The following SEPTIN9 variants were observed in gnomAD, a reference collection of about 807,000 sequenced individuals.
SEPTIN9 encodes the protein septin 9, also known as septin-9.
SEPTIN9 carries 13 observed loss-of-function variants against 56.6 expected under a neutral mutation model. The observed-to-expected ratio is 0.23, with a 90% CI of 0.15 to 0.37. The LOEUF (loss-of-function observed/expected upper bound fraction) is 0.37. Ranked by LOEUF, SEPTIN9 falls within the 10% of genes least tolerant of loss-of-function variation. The probability of loss-of-function intolerance (pLI) is 1.00; values close to 1 mark genes in which losing one functional copy is unlikely to be tolerated. For synonymous variants in SEPTIN9, 332 were observed against 334.1 expected, an observed-to-expected ratio of 0.99 and a Z score of 0.07; for missense variants, 650 against 823.1, an observed-to-expected ratio of 0.79 and a Z score of 2.57.
chr17:77,316,078 C>T (rs546323545), intron 2 of SEPTIN9, among the ~76,000 whole-genome samples: 1 of 152,356 alleles, frequency 6.6e-6, no homozygotes, highest in South Asian at 2.1e-4. Flanking sequence ...TAGGATTACT[C>T]AGTGCGTTTA....
At chr17:77,462,497 T>C (rs918521531) in intron 3 of SEPTIN9, among the ~76,000 whole-genome samples, 5 of 152,198 alleles carry the variant, frequency 3.3e-5, no homozygotes, top group African/African-American at 1.2e-4. Flanking sequence ...TTGCCCGGGC[T>C]GGTCTCAAAC....
chr17:77,370,570 C>A lies in SEPTIN9; in HGVS notation c.77-31489C>A, dbSNP rs148212743. Reference sequence around the variant, plus strand: ...TGTAGGTCTCGTTGTGCACTGAAGACGCAGGCGGTCCCTTTGGCCAGGCCT... The same window carrying A: ...TGTAGGTCTCGTTGTGCACTGAAGAAGCAGGCGGTCCCTTTGGCCAGGCCT... On this transcript the variant is annotated intron_variant, in intron 2 of 11. Coordinates refer to ENST00000427177, the MANE Select transcript of SEPTIN9 (RefSeq NM_001113491.2). Among the ~76,000 whole-genome samples the A allele has an allele frequency of 5.1e-3, 784 of 152,302 alleles. 8 individuals carry two copies. Among genetic ancestry groups the A allele is most frequent in the African/African-American group, 0.017 (696 of 41,562 alleles).
At chr17:77,366,712 C>T (rs901989551) in intron 2 of SEPTIN9, among the ~76,000 whole-genome samples, 2 of 152,188 alleles carry the variant, frequency 1.3e-5, no homozygotes, top group African/African-American at 2.4e-5. Flanking sequence ...AAGGTCCAGG[C>T]AGTGCTGCAG....
chr17:77,349,125 CTCACT>C (rs2033978561), intron 2 of SEPTIN9, among the ~76,000 whole-genome samples: 1 of 151,870 alleles, frequency 6.6e-6, no homozygotes, highest in African/African-American at 2.4e-5. Flanking sequence ...GAGACAGAGT[CTCACT>C]CTGTCTCCCC....
intron 2 of SEPTIN9, among the ~76,000 whole-genome samples, chr17:77,395,254 G>A (rs1332288565): frequency 6.6e-6 from 1 of 152,048 alleles, no homozygotes; most frequent in Non-Finnish European, 1.5e-5. Context: ...TTGGCCGGGT[G>A]CAGTGGCTCA....
At position 77,400,383 on chromosome 17, in the gene SEPTIN9, C is replaced by T. The variant is rs1241975519; in HGVS notation, c.77-1676C>T. 6.6e-6 allele frequency among the ~76,000 whole-genome samples: 1 copy of T among 152,168 alleles called. No individual in the cohort carries two copies. The highest frequency in any genetic ancestry group is 1.9e-4 in the East Asian group (1 of 5,194). On this transcript the variant is annotated intron_variant, in intron 2 of 11. Coordinates refer to ENST00000427177, the MANE Select transcript of SEPTIN9 (RefSeq NM_001113491.2). This position sits in a 1 kb window ranked among gnomAD's most constrained non-coding sequence, Gnocchi z 4.1. ...TGAGAGTTCTCTGGAGTCCACACGG[C>T]TCCTTGCCCAGCTTCTGGTGGAGGT...
At position 77,402,240 on chromosome 17, in the gene SEPTIN9, C is replaced by T. The variant is rs199829107; in HGVS notation, c.258C>T (p.Pro86=). 1 of 1,613,416 alleles carries T rather than the reference C, an allele frequency of 6.2e-7. No individual in the cohort carries two copies. Among genetic ancestry groups the T allele is most frequent in the Non-Finnish European group, 8.5e-7 (1 of 1,179,862 alleles). The part of the protein sequence containing the change: ...RHVDSLSQRS[P]KASLRRVELS... ...TGGACTCCCTAAGCCAACGCTCCCC[C>T]AAGGCGTCCCTGCGGAGGGTGGAGC... The change falls in exon 3 of 12, where the codon CCC becomes CCT. Residue 86 remains proline, a synonymous_variant. Transcript: ENST00000427177. The surrounding 1 kb of genome is among the most constrained non-coding windows in gnomAD (Gnocchi z 6.6).
Position 77,487,337 on chromosome 17 carries a change from C to T in SEPTIN9, c.914-87C>T, listed in dbSNP as rs2039835686. The T allele has an allele frequency of 1.5e-5, 21 of 1,425,564 alleles. No homozygotes were observed. The Admixed American group carries it at 3.7e-4, about 25-fold the overall frequency. The allele number at this position is 1,425,564 out of a possible 1,614,324, so 88.3% of individuals were successfully genotyped here. ...ACTGCTGAATCTCAGACTGGAGAGC[C>T]TCGTGCCTGGGTGGGAGGGGCCCCA... On this transcript the variant is annotated intron_variant, in intron 4 of 11. Transcript: ENST00000427177. This position sits in a 1 kb window ranked among gnomAD's most constrained non-coding sequence, Gnocchi z 4.3.
intron 1 of SEPTIN9, among the ~76,000 whole-genome samples, chr17:77,300,468 C>T (rs2031989805): frequency 6.6e-6 from 1 of 152,182 alleles, no homozygotes; most frequent in African/African-American, 2.4e-5. Context: ...GACACAACTC[C>T]AGGTAGCAGA....
intron 5 of SEPTIN9, 56 bp from the exon 6 acceptor site, chr17:77,488,184 G>T: frequency 1.3e-6 from 2 of 1,538,818 alleles, no homozygotes; most frequent in Non-Finnish European, 1.8e-6. Flanking sequence ...CAGGTGTGGG[G>T]TGTCTGTGAG....
chr17:77,314,219 C>T (rs889691951), intron 2 of SEPTIN9, among the ~76,000 whole-genome samples: 3 of 151,750 alleles, frequency 2.0e-5, no homozygotes, highest in Admixed American at 2.0e-4. Context: ...CTCTGTTGCC[C>T]AGGCTGGAGT....
chr17:77,298,537 G>C (rs1253482718), intron 1 of SEPTIN9, among the ~76,000 whole-genome samples: 2 of 152,230 alleles, frequency 1.3e-5, no homozygotes, highest in Non-Finnish European at 2.9e-5. Flanking sequence ...GCTCAGCCTT[G>C]TTTATGGGAA....
chr17:77,484,827 T>G (rs1161497398), intron 4 of SEPTIN9, among the ~76,000 whole-genome samples: 1 of 94,378 alleles, frequency 1.1e-5, no homozygotes, highest in Non-Finnish European at 2.0e-5. Context: ...GTGATGGTGG[T>G]GGCGATGGTG....
At chr17:77,283,178 TA>T (rs1417341063) in intron 1 of SEPTIN9, among the ~76,000 whole-genome samples, 3 of 146,970 alleles carry the variant, frequency 2.0e-5, no homozygotes, top group African/African-American at 5.1e-5. Context: ...TTTTTTTTTT[TA>T]AAAAAAAGGA....
intron 1 of SEPTIN9, 91 bp downstream of exon 1, chr17:77,281,645 C>T (rs1598454828): frequency 3.8e-6 from 5 of 1,301,530 alleles, no homozygotes; most frequent in South Asian, 1.4e-5. Flanking sequence ...GCGAGGCGCC[C>T]CCGGAGCTGA....
At chr17:77,292,172 C>T (rs1382302819) in intron 1 of SEPTIN9, among the ~76,000 whole-genome samples, 1 of 152,172 alleles carries the variant, frequency 6.6e-6, no homozygotes, top group East Asian at 1.9e-4. Flanking sequence ...CGTCACTCAC[C>T]CTGCTGACTC....
chr17:77,293,030 T>A (rs1334712253), intron 1 of SEPTIN9, among the ~76,000 whole-genome samples: 1 of 144,278 alleles, frequency 6.9e-6, no homozygotes, highest in Admixed American at 6.9e-5. Flanking sequence ...TTATTTATTT[T>A]TCCCAAGACA....
At position 77,327,335 on chromosome 17, in the gene SEPTIN9, C is replaced by T. The variant is rs1048633008; in HGVS notation, c.76+20138C>T. Among the ~76,000 whole-genome samples the T allele has an allele frequency of 4.9e-3, 748 of 152,288 alleles. 8 individuals carry two copies. Among genetic ancestry groups the T allele is most frequent in the Non-Finnish European group, 5.3e-3 (361 of 68,016 alleles). Reference sequence around the variant, plus strand: ...CCCGTCTCTTGCTCTGGGCACCCCCCCACTCCGAACGGCCAGAGCTTCTGA... The same window carrying T: ...CCCGTCTCTTGCTCTGGGCACCCCCTCACTCCGAACGGCCAGAGCTTCTGA... On this transcript the variant is annotated intron_variant, in intron 2 of 11. Transcript: ENST00000427177. This position sits in a 1 kb window ranked among gnomAD's most constrained non-coding sequence, Gnocchi z 5.0.
intron 3 of SEPTIN9, among the ~76,000 whole-genome samples, chr17:77,413,940 CTTT>C (rs202194441): frequency 0.36 from 45,702 of 125,448 alleles, 7,988 homozygotes; most frequent in Non-Finnish European, 0.43. Context: ...TCAGTATTTT[CTTT>C]TTTTTTTTTT....
Sources: gnomAD v4.1 joint callset for allele counts (sites outside exome capture counted in the v4.1 genomes callset) on GRCh38, gnomAD v4.1.1 for gene constraint, Gnocchi (gnomAD v3.1) non-coding constraint, MANE v1.5 for transcripts, NCBI Gene and HGNC (gene_info 2026-07-23, HGNC 2026-07-21) for gene names.